ESRRG: variants seen among roughly 807,000 people sequenced by gnomAD.
ESRRG encodes the protein estrogen related receptor gamma, also known as estrogen-related receptor gamma.
Under a neutral mutation model 44.0 loss-of-function variants are expected in ESRRG, and 13 were observed. The observed-to-expected ratio is 0.30, with a 90% CI of 0.19 to 0.47. ESRRG has a LOEUF of 0.47. ESRRG is among the 20% of genes least tolerant of loss of function. ESRRG has a pLI of 1.00. For missense variants in ESRRG, 395 were observed against 580.6 expected, an observed-to-expected ratio of 0.68 and a Z score of 3.29; for synonymous variants, 215 against 214.6, an observed-to-expected ratio of 1.00 and a Z score of -0.02.
At chr1:216,915,778 G>A (rs936695031) in intron 2 of ESRRG, among the ~76,000 whole-genome samples, 3 of 152,108 alleles carry the variant, frequency 2.0e-5, no homozygotes, top group Admixed American at 6.5e-5. Context: ...TGTCTATTTC[G>A]GCAAATCAGG....
intron 2 of ESRRG, among the ~76,000 whole-genome samples, chr1:216,859,802 TTAACAGAAA>T (rs2096017259): frequency 6.6e-6 from 1 of 152,166 alleles, no homozygotes; most frequent in Non-Finnish European, 1.5e-5. Flanking sequence ...GCTAAGGATA[TTAACAGAAA>T]TACAAAATAT....
At chr1:216,923,919 ATG>A (rs1468148177) in intron 2 of ESRRG, among the ~76,000 whole-genome samples, 1 of 152,190 alleles carries the variant, frequency 6.6e-6, no homozygotes, top group Non-Finnish European at 1.5e-5. Flanking sequence ...GCCATAATTA[ATG>A]AATGTATCAA....
intron 1 of ESRRG, among the ~76,000 whole-genome samples, chr1:216,709,510 A>T: frequency 6.6e-6 from 1 of 152,216 alleles, no homozygotes; most frequent in South Asian, 2.1e-4. Context: ...TACTAGAATT[A>T]GTTTAATTTA....
chr1:216,733,222 A>G (rs1015277344), intron 2 of ESRRG, among the ~76,000 whole-genome samples: 4 of 150,088 alleles, frequency 2.7e-5, no homozygotes, highest in Middle Eastern at 7.1e-3. Flanking sequence ...CATCTCCATA[A>G]TTTTGCTAGC....
At chr1:216,637,729 C>G (rs1322397931) in intron 3 of ESRRG, among the ~76,000 whole-genome samples, 2 of 151,908 alleles carry the variant, frequency 1.3e-5, no homozygotes, top group African/African-American at 4.8e-5. Flanking sequence ...ACTAACTTAT[C>G]ACATGTCTAT....
intron 3 of ESRRG, among the ~76,000 whole-genome samples, chr1:216,614,466 T>C (rs1013695094): frequency 1.3e-5 from 2 of 152,212 alleles, no homozygotes; most frequent in African/African-American, 4.8e-5. Flanking sequence ...AATATATATC[T>C]GGTGAGTACT....
intron 5 of ESRRG, among the ~76,000 whole-genome samples, chr1:216,530,136 G>T (rs6669135): frequency 0.32 from 45,411 of 141,010 alleles, 7,329 homozygotes; most frequent in Non-Finnish European, 0.35. Flanking sequence ...AAAAAAAAGG[G>T]GGTGGGGGAA....
At chr1:216,924,844 A>C (rs981986461) in intron 2 of ESRRG, among the ~76,000 whole-genome samples, 1 of 152,198 alleles carries the variant, frequency 6.6e-6, no homozygotes, top group African/African-American at 2.4e-5. Context: ...TATGTACCCA[A>C]GATACTCTTT....
intron 1 of ESRRG, among the ~76,000 whole-genome samples, chr1:217,132,162 T>C (rs1156702959): frequency 6.6e-6 from 1 of 152,164 alleles, no homozygotes; most frequent in Non-Finnish European, 1.5e-5. Flanking sequence ...AGTAATTTTA[T>C]TTTTTTAATT....
In ESRRG at chr1:217,113,179, G is replaced by A. The variant is rs557729103; in HGVS notation, c.-230+24488C>T. Reference sequence around the variant, plus strand: ...GAGAAAGTAGCTCAGTTGCAGACATGGGCTTTTTTCTGTTTCTTAGGAAGG... The same window carrying A: ...GAGAAAGTAGCTCAGTTGCAGACATAGGCTTTTTTCTGTTTCTTAGGAAGG... On this transcript the variant is annotated intron_variant, in intron 1 of 8. Transcript: ENST00000366940. 2.6e-5 allele frequency among the ~76,000 whole-genome samples: 4 copies of A among 152,254 alleles called. No individual in the cohort carries two copies. In the East Asian group the frequency reaches 7.7e-4, roughly 29 times the overall value.
chr1:216,795,090 T>C (rs1173583373), intron 2 of ESRRG, among the ~76,000 whole-genome samples: 1 of 152,072 alleles, frequency 6.6e-6, no homozygotes. Flanking sequence ...TAATTTCCAT[T>C]CCAGAAAACA....
At chr1:216,926,141 G>C (rs1400534205) in intron 2 of ESRRG, among the ~76,000 whole-genome samples, 2 of 152,186 alleles carry the variant, frequency 1.3e-5, no homozygotes, top group African/African-American at 4.8e-5. Flanking sequence ...CAGACCCAAA[G>C]GAGCACCTCG....
intron 1 of ESRRG, among the ~76,000 whole-genome samples, chr1:217,131,782 C>A (rs573131094): frequency 6.6e-6 from 1 of 152,104 alleles, no homozygotes; most frequent in Admixed American, 6.5e-5. Flanking sequence ...ATTGGTGAGA[C>A]CTAATAGAAA....
At chr1:216,754,750 G>A (rs557604790) in intron 2 of ESRRG, among the ~76,000 whole-genome samples, 46 of 146,864 alleles carry the variant, frequency 3.1e-4, no homozygotes, top group Non-Finnish European at 4.5e-4. Context: ...TGCGTGTTGC[G>A]TAAAAGATTT....
chr1:216,924,750 A>T (rs937530280), intron 2 of ESRRG, among the ~76,000 whole-genome samples: 6 of 152,188 alleles, frequency 3.9e-5, no homozygotes, highest in African/African-American at 9.6e-5. Flanking sequence ...AGCTCCAGCC[A>T]CGGTGTATTT....
intron 2 of ESRRG, among the ~76,000 whole-genome samples, chr1:216,676,442 A>G (rs887172361): frequency 6.6e-6 from 1 of 152,210 alleles, no homozygotes; most frequent in Non-Finnish European, 1.5e-5. Flanking sequence ...TAGAAAAAGT[A>G]TATCCAACCA....
intron 2 of ESRRG, among the ~76,000 whole-genome samples, chr1:216,811,765 A>G (rs780307295): frequency 2.2e-4 from 33 of 152,228 alleles, no homozygotes; most frequent in Non-Finnish European, 3.7e-4. Context: ...TTATAAGAAA[A>G]AAATACAGTA....
At chr1:217,111,488 A>G (rs2092660862) in intron 1 of ESRRG, among the ~76,000 whole-genome samples, 1 of 152,240 alleles carries the variant, frequency 6.6e-6, no homozygotes, top group South Asian at 2.1e-4. Context: ...ATTTATTTAC[A>G]GATTAGTCCA....
chr1:216,786,411 T>C (rs1318908159), intron 2 of ESRRG, among the ~76,000 whole-genome samples: 4 of 152,098 alleles, frequency 2.6e-5, no homozygotes, highest in African/African-American at 9.7e-5. Flanking sequence ...TTAAAATGTG[T>C]ATTGAGTGAC....
Sources: gnomAD v4.1 joint callset for allele counts (sites outside exome capture counted in the v4.1 genomes callset) on GRCh38, gnomAD v4.1.1 for gene constraint, MANE v1.5 for transcripts, NCBI Gene and HGNC (gene_info 2026-07-23, HGNC 2026-07-21) for gene names.